Variants in GCNT1 observed in about 807,000 individuals in gnomAD.
GCNT1 encodes the protein beta-1,3-galactosyl-O-glycosyl-glycoprotein beta-1,6-N-acetylglucosaminyltransferase.
Under a neutral mutation model 26.2 loss-of-function variants are expected in GCNT1, and 16 were observed. The observed-to-expected ratio is 0.61, with a 90% CI of 0.41 to 0.93. The LOEUF is 0.93. Among genes scored for constraint, GCNT1 ranks in the 40% least tolerant of loss-of-function variants. The probability of loss-of-function intolerance (pLI) is 0.00; values close to 1 mark genes in which losing one functional copy is unlikely to be tolerated. For synonymous variants in GCNT1, 183 were observed against 190.8 expected (o/e 0.96, Z 0.34); for missense variants, 477 against 526.7 (o/e 0.91, Z 0.92).
At chr9:76,395,024 A>G in the GCNT1 span, among the ~76,000 whole-genome samples, 1 of 152,156 alleles carries the variant, frequency 6.6e-6, no homozygotes, top group Non-Finnish European at 1.5e-5. Flanking sequence ...TGACGCTGTT[A>G]ACCCCAGAGA....
chr9:76,451,670 A>G (rs951753238), intron 1 of GCNT1, among the ~76,000 whole-genome samples: 7 of 152,214 alleles, frequency 4.6e-5, no homozygotes, highest in Non-Finnish European at 8.8e-5. Context: ...GAGGCCTCAG[A>G]AAAAGCCCAA....
chr9:76,421,664 T>G, intron 1 of GCNT1, among the ~76,000 whole-genome samples: 1 of 143,846 alleles, frequency 7.0e-6, no homozygotes, highest in Admixed American at 7.0e-5. Flanking sequence ...GTCTTATTGA[T>G]GGCAACTCAA....
upstream of GCNT1, among the ~76,000 whole-genome samples, chr9:76,440,835 G>A (rs1451971322): frequency 2.0e-5 from 3 of 152,058 alleles, no homozygotes; most frequent in African/African-American, 7.2e-5. Flanking sequence ...GGAGGTTGAG[G>A]CGGGTGGATC....
chr9:76,484,457 T>G (rs1470714554), intron 2 of GCNT1, among the ~76,000 whole-genome samples: 1 of 152,212 alleles, frequency 6.6e-6, no homozygotes, highest in African/African-American at 2.4e-5. Flanking sequence ...TTAACATAAG[T>G]AATTTCTTGT....
At chr9:76,394,011 G>T in the GCNT1 span, 1 of 1,394,032 alleles carries the variant, frequency 7.2e-7, no homozygotes, top group Non-Finnish European at 9.7e-7. Context: ...CCCACGCCCC[G>T]GTCCCAAGTC....
chr9:76,476,401 A>G (rs1824252271), intron 2 of GCNT1, among the ~76,000 whole-genome samples: 1 of 151,934 alleles, frequency 6.6e-6, no homozygotes, highest in Admixed American at 6.6e-5. Flanking sequence ...TCTATTTGGT[A>G]TTATAAACTG....
chr9:76,470,190 A>T (rs1824099182), intron 2 of GCNT1, among the ~76,000 whole-genome samples: 1 of 152,158 alleles, frequency 6.6e-6, no homozygotes. Flanking sequence ...AAATATATAC[A>T]TATATTTATA....
chr9:76,493,044 A>C (rs548529622), intron 2 of GCNT1, among the ~76,000 whole-genome samples: 1 of 152,176 alleles, frequency 6.6e-6, no homozygotes, highest in East Asian at 1.9e-4. Flanking sequence ...GTGACAGGGG[A>C]GTATATTTTC....
chr9:76,457,486 T>C (rs920422487), upstream of GCNT1, among the ~76,000 whole-genome samples: 1 of 152,142 alleles, frequency 6.6e-6, no homozygotes, highest in Non-Finnish European at 1.5e-5. Flanking sequence ...TGACTTCAGG[T>C]GATCCACCCA....
chr9:76,402,368 T>C, the GCNT1 span, among the ~76,000 whole-genome samples: 1 of 152,232 alleles, frequency 6.6e-6, no homozygotes, highest in Non-Finnish European at 1.5e-5. Flanking sequence ...TAAAATAACA[T>C]TTTGAAAACT....
At chr9:76,422,857 C>T (rs1823216066) in intron 1 of GCNT1, among the ~76,000 whole-genome samples, 1 of 152,156 alleles carries the variant, frequency 6.6e-6, no homozygotes, top group Admixed American at 6.5e-5. Context: ...CTGGCCTAAC[C>T]ATTATTTTTT....
chr9:76,503,665 C>T lies in GCNT1; in HGVS notation c.1284C>T (p.His428=), dbSNP rs377364894. The T allele has an allele frequency of 1.2e-5, 20 of 1,608,748 alleles. No individual in the cohort carries two copies. Among genetic ancestry groups the T allele is most frequent in the Non-Finnish European group, 1.7e-5 (20 of 1,175,498 alleles). ...LRHKALETLK[H] is the part of the protein sequence containing the mutation. ...ACAAAGCTTTGGAGACATTAAAACA[C>T]TGACCATTACGGGCAATTTTATGAA... is the stretch of plus-strand genomic sequence containing the variant. Residue 428 remains histidine, a synonymous_variant, in exon 4 of 4, where the codon CAC becomes CAT. Coordinates refer to ENST00000376730, the MANE Select transcript of GCNT1 (RefSeq NM_001490.5).
intron 2 of GCNT1, among the ~76,000 whole-genome samples, chr9:76,475,583 T>C (rs982842485): frequency 6.6e-6 from 1 of 152,192 alleles, no homozygotes; most frequent in African/African-American, 2.4e-5. Context: ...CACGGAGTAG[T>C]GTGGGAGACA....
chr9:76,476,081 C>T (rs1449317053), intron 2 of GCNT1, among the ~76,000 whole-genome samples: 4 of 152,110 alleles, frequency 2.6e-5, no homozygotes, highest in Non-Finnish European at 5.9e-5. Flanking sequence ...AATGGTTAGC[C>T]TTTTGCCATC....
At chr9:76,494,858 T>A (rs1824858474) in intron 2 of GCNT1, among the ~76,000 whole-genome samples, 1 of 152,072 alleles carries the variant, frequency 6.6e-6, no homozygotes. Context: ...CAACTTTCTG[T>A]CAGGACCCCG....
intron 2 of GCNT1, among the ~76,000 whole-genome samples, chr9:76,498,118 A>C (rs72747380): frequency 0.082 from 12,553 of 152,220 alleles, 576 homozygotes; most frequent in Middle Eastern, 0.17. Context: ...TTTCTAGATT[A>C]TTTATCTACA....
At chr9:76,472,746 TTTC>T (rs370386588) in intron 2 of GCNT1, among the ~76,000 whole-genome samples, 7,026 of 56,094 alleles carry the variant, frequency 0.13, 313 homozygotes, top group African/African-American at 0.35. Context: ...TTTCTTTTCT[TTTC>T]TTTTTTTTTT....
At position 76,476,720 on chromosome 9, in the gene GCNT1, G is replaced by A. The variant is rs544835893; in HGVS notation, c.-290+16543G>A. Among the ~76,000 whole-genome samples, 9 of 152,292 alleles carry A rather than the reference G, an allele frequency of 5.9e-5. No homozygotes were observed. In the South Asian group the frequency reaches 1.7e-3, roughly 28 times the overall value. ...ATACTTTAAGCAAATTGGGGTAACA[G>A]TAAATGTGCACAGGCAGTCGGAAAC... On this transcript the variant is annotated intron_variant, in intron 2 of 3. Transcript: ENST00000376730.
chr9:76,481,972 T>C (rs773544861), intron 2 of GCNT1, among the ~76,000 whole-genome samples: 2 of 152,188 alleles, frequency 1.3e-5, no homozygotes, highest in Non-Finnish European at 2.9e-5. Context: ...GCCAAATCTT[T>C]TATAGTGGGC....
Sources: allele counts gnomAD v4.1 joint callset (sites outside exome capture counted in the v4.1 genomes callset), GRCh38; gene constraint gnomAD v4.1.1; transcripts MANE v1.5; gene names NCBI Gene and HGNC (gene_info 2026-07-23, HGNC 2026-07-21).